AHCTF1: variants seen among roughly 807,000 people sequenced by gnomAD.
AHCTF1 encodes AT-hook containing transcription factor 1.
AHCTF1 carries 24 observed loss-of-function variants against 248.4 expected under a neutral mutation model. The observed-to-expected ratio is 0.10, with a 90% CI of 0.07 to 0.14. The LOEUF (loss-of-function observed/expected upper bound fraction) is 0.14, where lower values mean the gene tolerates loss of function less well. Among genes scored for constraint, AHCTF1 ranks in the 10% least tolerant of loss-of-function variants. The pLI, the probability that AHCTF1 is intolerant of heterozygous loss-of-function variation, is 1.00. For missense variants in AHCTF1, 2,206 were observed against 2,636.2 expected, an observed-to-expected ratio of 0.84 and a Z score of 3.57; for synonymous variants, 786 against 929.8, an observed-to-expected ratio of 0.85 and a Z score of 2.81.
intron 8 of AHCTF1, among the ~76,000 whole-genome samples, chr1:246,902,273 T>C (rs753446458): frequency 6.6e-6 from 1 of 152,196 alleles, no homozygotes; most frequent in East Asian, 1.9e-4. Flanking sequence ...TAGTTCAGAC[T>C]AGGGATCGCC....
At chr1:246,913,527 T>A (rs1031660538) in intron 3 of AHCTF1, 115 bp from the exon 4 acceptor site, 2 of 965,370 alleles carry the variant, frequency 2.1e-6, no homozygotes, top group Non-Finnish European at 1.5e-6. Context: ...GACTATAGAG[T>A]AAATTTGCAT....
chr1:246,860,994 G>C lies in AHCTF1; in HGVS notation c.4037C>G (p.Ala1346Gly). 1 of 1,613,946 alleles carries C rather than the reference G, an allele frequency of 6.2e-7. No individual in the cohort carries two copies. Among genetic ancestry groups the C allele is most frequent in the Middle Eastern group, 1.7e-4 (1 of 6,050 alleles). ...TTGTTCAGTTACATTAGTAGTTAGT[G>C]CAGTGGAAGAGCTTTTGGGCTTAGA... ...TASKPKSSSTALTTNVTEQTE... is the reference protein window; with the variant it reads ...TASKPKSSSTGLTTNVTEQTE... Residue 1346 changes from alanine (A) to glycine (G), a missense_variant, in exon 29 of 36, where the codon GCA becomes GGA. Physicochemically the swap from Ala to Gly is moderately conservative, Grantham distance 60. Transcript: ENST00000648844.
intron 29 of AHCTF1, among the ~76,000 whole-genome samples, chr1:246,859,048 G>A (rs1348839972): frequency 6.6e-6 from 1 of 152,132 alleles, no homozygotes; most frequent in Non-Finnish European, 1.5e-5. Context: ...TCCATCCTGG[G>A]CGACAGAGCA....
chr1:246,864,033 A>G lies in AHCTF1; in HGVS notation c.3431T>C (p.Leu1144Ser), dbSNP rs372545499. 20 of 1,614,062 alleles carry G rather than the reference A, an allele frequency of 1.2e-5. No individual in the cohort carries two copies. Among genetic ancestry groups the G allele is most frequent in the Non-Finnish European group, 1.6e-5 (19 of 1,180,008 alleles). ...GGGCAGTGAACGGGATACTAGGTAC[A>G]AAGGAGATTTCATGGAGCTTTGCTG... ...FIQQSSMKSPLYLVSRSLPSS... is the reference protein window; with the variant it reads ...FIQQSSMKSPSYLVSRSLPSS... Residue 1144 changes from leucine (L) to serine (S), a missense_variant, in exon 27 of 36, where the codon TTG (leucine) becomes TCG (serine). Coordinates refer to ENST00000648844, the MANE Select transcript of AHCTF1 (RefSeq NM_001323342.2).
In AHCTF1 at chr1:246,852,996, A is replaced by C. The variant is rs145616559; in HGVS notation, c.4563+95T>G. On this transcript the variant is annotated intron_variant, in intron 32 of 35. Coordinates refer to ENST00000648844, the MANE Select transcript of AHCTF1 (RefSeq NM_001323342.2). ...AAATAAGTTTTTATATAGCAGTCAAATAAATGAACGTGTTAGATTTGAACT... is the reference window on the plus strand; with the variant it reads ...AAATAAGTTTTTATATAGCAGTCAACTAAATGAACGTGTTAGATTTGAACT... The C allele has an allele frequency of 6.7e-3, 5,886 of 877,574 alleles. 38 individuals are homozygous for C. Among genetic ancestry groups the C allele is most frequent in the Non-Finnish European group, 8.8e-3 (5,133 of 580,870 alleles). 54.4% of individuals were successfully genotyped at this position (877,574 alleles called of 1,614,324 possible).
chr1:246,902,968 A>C (rs2103179036), intron 7 of AHCTF1, among the ~76,000 whole-genome samples: 1 of 152,380 alleles, frequency 6.6e-6, no homozygotes, highest in South Asian at 2.1e-4. Flanking sequence ...AAAATTATAT[A>C]TGCATATATC....
At chr1:246,860,674 A>C (rs2103065096) in intron 29 of AHCTF1, among the ~76,000 whole-genome samples, 1 of 152,174 alleles carries the variant, frequency 6.6e-6, no homozygotes, top group Non-Finnish European at 1.5e-5. Context: ...GCTAATTTTT[A>C]AATTTCTATT....
At chr1:246,876,324 A>G (rs767227067) in intron 23 of AHCTF1, 137 bp from the exon 24 acceptor site, 3 of 711,534 alleles carry the variant, frequency 4.2e-6, no homozygotes, top group South Asian at 3.1e-5. Context: ...TTCCAAACCA[A>G]GAACTTCATC....
intron 2 of AHCTF1, 118 bp downstream of exon 2, chr1:246,918,132 T>A (rs561653534): frequency 1.7e-4 from 152 of 919,934 alleles, no homozygotes; most frequent in Non-Finnish European, 1.9e-4. Flanking sequence ...GTTACATATT[T>A]AAGATCACTC....
intron 33 of AHCTF1, among the ~76,000 whole-genome samples, chr1:246,849,033 T>C (rs1660498211): frequency 6.6e-6 from 1 of 152,230 alleles, no homozygotes; most frequent in Non-Finnish European, 1.5e-5. Flanking sequence ...TCTTAATGCA[T>C]ATATGTGCTC....
chr1:246,912,666 T>C (rs1350551834), intron 4 of AHCTF1, among the ~76,000 whole-genome samples: 2 of 152,244 alleles, frequency 1.3e-5, no homozygotes, highest in African/African-American at 4.8e-5. Context: ...AGTAATTTTA[T>C]AAATACAAGC....
rs776219616 is a variant in AHCTF1 at position 246,867,226 on chromosome 1, G to A, written c.3347+18C>T. On this transcript the variant is annotated intron_variant, in intron 26 of 35. Coordinates refer to ENST00000648844, the MANE Select transcript of AHCTF1 (RefSeq NM_001323342.2). ...CATCTAACATTGTGTCTCTAAGAAT[G>A]ATTTAATAAACTCTTACCTAGAAAT... 1 of 1,414,178 alleles carries A rather than the reference G, an allele frequency of 7.1e-7. No individual in the cohort carries two copies. Among genetic ancestry groups the A allele is most frequent in the Non-Finnish European group, 9.8e-7 (1 of 1,019,648 alleles). 87.6% of individuals were successfully genotyped at this position (1,414,178 alleles called of 1,614,324 possible).
At chr1:246,846,452 A>ACATT (rs1660266552) in intron 33 of AHCTF1, among the ~76,000 whole-genome samples, 1 of 152,104 alleles carries the variant, frequency 6.6e-6, no homozygotes, top group African/African-American at 2.4e-5. Context: ...ATGCACTACC[A>ACATT]CATTCATTCT....
At chr1:246,880,133 C>A (rs1279147479) in intron 21 of AHCTF1, among the ~76,000 whole-genome samples, 1 of 151,966 alleles carries the variant, frequency 6.6e-6, no homozygotes, top group African/African-American at 2.4e-5. Flanking sequence ...TAAGAGGAAA[C>A]AGGCAGTTGG....
At chr1:246,851,534 G>A (rs1432678657) in intron 32 of AHCTF1, 92 bp from the exon 33 acceptor site, 2 of 1,154,770 alleles carry the variant, frequency 1.7e-6, no homozygotes, top group African/African-American at 3.1e-5. Flanking sequence ...TTGGCTGTGT[G>A]CCTTTTAAAA....
chr1:246,854,079 C>T (rs1001906328), intron 31 of AHCTF1, among the ~76,000 whole-genome samples: 2 of 152,114 alleles, frequency 1.3e-5, no homozygotes, highest in African/African-American at 4.8e-5. Context: ...GCAGGTGGAT[C>T]ATGAGGTCAG....
intron 24 of AHCTF1, among the ~76,000 whole-genome samples, chr1:246,868,403 G>C (rs1662188918): frequency 6.9e-6 from 1 of 144,300 alleles, no homozygotes; most frequent in African/African-American, 2.9e-5. Flanking sequence ...TTACAGGCGT[G>C]AGCCACTGCG....
At position 246,867,294 on chromosome 1, in the gene AHCTF1, A is replaced by G. The variant is rs1572387124; in HGVS notation, c.3297T>C (p.Pro1099=). 1 of 1,604,714 alleles carries G rather than the reference A, an allele frequency of 6.2e-7. No homozygotes were observed. The highest frequency in any genetic ancestry group is 1.7e-5 in the Admixed American group (1 of 59,214). ...AAATTGGTGTTCCAAAAAATGCCTC[A>G]GGCAGCTCTGGAGCTGGGAGCGAAT... ...IVYSLPAPEL[P]EAFFGTPISK... Residue 1099 remains proline, a synonymous_variant, in exon 26 of 36, where the codon CCT becomes CCC. Coordinates refer to ENST00000648844, the MANE Select transcript of AHCTF1 (RefSeq NM_001323342.2).
chr1:246,850,395 T>A lies in AHCTF1; in HGVS notation c.5611A>T (p.Thr1871Ser). 6.2e-7 allele frequency: 1 copy of A among 1,607,654 alleles called. No homozygotes were observed. The highest frequency in any genetic ancestry group is 1.1e-5 in the South Asian group (1 of 89,872). Reference protein sequence around the residue: ...EVKVSSVTKRTPRRIKRSVEN... With the variant: ...EVKVSSVTKRSPRRIKRSVEN... Reference sequence around the variant, plus strand: ...ACAGATCTTTTAATTCTTCTAGGAGTCCTTTTTGTAACAGATGAAACCTTA... The same window carrying A: ...ACAGATCTTTTAATTCTTCTAGGAGACCTTTTTGTAACAGATGAAACCTTA... Residue 1871 changes from threonine to serine, a missense_variant, in exon 33 of 36, where the codon ACT becomes TCT. Coordinates refer to ENST00000648844, the MANE Select transcript of AHCTF1 (RefSeq NM_001323342.2).
Sources: allele counts gnomAD v4.1 joint callset (sites outside exome capture counted in the v4.1 genomes callset), GRCh38; gene constraint gnomAD v4.1.1; transcripts MANE v1.5; gene names NCBI Gene and HGNC (gene_info 2026-07-23, HGNC 2026-07-21).